Variants in PCDH9 observed in about 807,000 individuals in gnomAD.
The protein encoded by PCDH9 is protocadherin 9, also known as protocadherin-9.
A neutral mutation model predicts 70.6 loss-of-function variants in PCDH9; 24 were observed. That is an observed-to-expected ratio of 0.34 (90% CI 0.25 to 0.48). PCDH9 has a LOEUF of 0.48. Ranked by LOEUF, PCDH9 falls within the 20% of genes least tolerant of loss-of-function variation. PCDH9 has a pLI of 0.99. For missense variants in PCDH9, 1,281 were observed against 1,503.6 expected (o/e 0.85, Z 2.45); for synonymous variants, 562 against 558.5 (o/e 1.01, Z -0.09).
chr13:67,117,615 ATGT>A (rs1399999923), intron 2 of PCDH9, among the ~76,000 whole-genome samples: 2 of 152,268 alleles, frequency 1.3e-5, no homozygotes, highest in Admixed American at 1.3e-4. Flanking sequence ...GCTATTTATA[ATGT>A]TGTCTATGTA....
In PCDH9 at chr13:66,673,514, T is replaced by G. The variant is rs368645240; in HGVS notation, c.3139-42103A>C. 2.0e-5 allele frequency among the ~76,000 whole-genome samples: 3 copies of G among 151,952 alleles called. No individual in the cohort carries two copies. In the South Asian group the frequency reaches 6.3e-4, roughly 32 times the overall value. ...AGATATGCACAGAAGGAAGATGATATGAGTGCACAGAAAGAATGCTATCTA... is the reference window on the plus strand; with the variant it reads ...AGATATGCACAGAAGGAAGATGATAGGAGTGCACAGAAAGAATGCTATCTA... On this transcript the variant is annotated intron_variant, in intron 3 of 4. Transcript: ENST00000377865.
intron 2 of PCDH9, among the ~76,000 whole-genome samples, chr13:67,013,392 T>G (rs1030119018): frequency 6.6e-6 from 1 of 151,908 alleles, no homozygotes; most frequent in African/African-American, 2.4e-5. Flanking sequence ...TCCTATATCA[T>G]TGAATGTTAA....
At chr13:66,556,137 G>T (rs1961730506) in intron 4 of PCDH9, among the ~76,000 whole-genome samples, 1 of 151,448 alleles carries the variant, frequency 6.6e-6, no homozygotes, top group African/African-American at 2.4e-5. Flanking sequence ...GCATTTTTCT[G>T]CATCTTTGGG....
At chr13:67,185,718 A>G (rs1474306596) in intron 2 of PCDH9, among the ~76,000 whole-genome samples, 2 of 152,126 alleles carry the variant, frequency 1.3e-5, no homozygotes, top group East Asian at 1.9e-4. Context: ...AGTTAAACGT[A>G]TGGAAGATTT....
chr13:66,450,129 A>G (rs116569729), intron 4 of PCDH9, among the ~76,000 whole-genome samples: 3,292 of 152,282 alleles, frequency 0.022, 107 homozygotes, highest in East Asian at 0.082. Context: ...CTTACCCTAG[A>G]AAATGTCAGT....
At chr13:67,003,721 C>G (rs1285362962) in intron 2 of PCDH9, among the ~76,000 whole-genome samples, 1 of 152,172 alleles carries the variant, frequency 6.6e-6, no homozygotes, top group African/African-American at 2.4e-5. Context: ...TGCGAAATTA[C>G]TCATGATACA....
chr13:66,497,976 C>T (rs201666621), intron 4 of PCDH9, among the ~76,000 whole-genome samples: 8 of 151,368 alleles, frequency 5.3e-5, no homozygotes, highest in East Asian at 3.9e-4. Flanking sequence ...CCCACCATGA[C>T]GCCCAACTAA....
At chr13:66,789,218 G>T (rs906239233) in intron 3 of PCDH9, among the ~76,000 whole-genome samples, 1 of 152,134 alleles carries the variant, frequency 6.6e-6, no homozygotes, top group Non-Finnish European at 1.5e-5. Flanking sequence ...CTGAAATTTA[G>T]CAGGGTGAAA....
intron 4 of PCDH9, among the ~76,000 whole-genome samples, chr13:66,622,710 G>C (rs1305498706): frequency 3.9e-5 from 6 of 152,152 alleles, no homozygotes; most frequent in Non-Finnish European, 4.4e-5. Flanking sequence ...CAGACCACTG[G>C]TCTCTACCAA....
intron 4 of PCDH9, among the ~76,000 whole-genome samples, chr13:66,328,852 C>T (rs1410470835): frequency 2.0e-5 from 3 of 152,104 alleles, no homozygotes; most frequent in Non-Finnish European, 4.4e-5. Flanking sequence ...GAGACTGTCC[C>T]TAAGAGCTGA....
chr13:67,222,801 G>T (rs896273949), intron 2 of PCDH9: 3 of 152,110 alleles, frequency 2.0e-5, no homozygotes, highest in East Asian at 3.9e-4. Flanking sequence ...AGTTAAAAAA[G>T]TTTTTACTTT....
rs181211692 is a variant in PCDH9 at position 66,723,259 on chromosome 13, A to C, written c.3139-91848T>G. Among the ~76,000 whole-genome samples, 18 of 152,286 alleles carry C rather than the reference A, an allele frequency of 1.2e-4. No individual in the cohort carries two copies. In the East Asian group the frequency reaches 3.5e-3, roughly 29 times the overall value. ...GCTTCTTATTCAAAAACAAACAAACAACAACAAAAGAGGGAGTTAACAGGC... is the reference window on the plus strand; with the variant it reads ...GCTTCTTATTCAAAAACAAACAAACCACAACAAAAGAGGGAGTTAACAGGC... On this transcript the variant is annotated intron_variant, in intron 3 of 4. Transcript: ENST00000377865.
intron 4 of PCDH9, among the ~76,000 whole-genome samples, chr13:66,548,241 AT>A (rs1184537192): frequency 6.6e-6 from 1 of 151,924 alleles, no homozygotes; most frequent in Non-Finnish European, 1.5e-5. Context: ...TTAAGTGCAA[AT>A]TTTTTTCTTA....
At chr13:66,789,090 C>T (rs535726573) in intron 3 of PCDH9, among the ~76,000 whole-genome samples, 2 of 152,254 alleles carry the variant, frequency 1.3e-5, no homozygotes, top group South Asian at 4.1e-4. Context: ...CAAACTTCTC[C>T]CACTTACAAG....
At chr13:66,411,301 G>A (rs1957364638) in intron 4 of PCDH9, among the ~76,000 whole-genome samples, 1 of 152,122 alleles carries the variant, frequency 6.6e-6, no homozygotes, top group Admixed American at 6.6e-5. Context: ...GCAGACTATT[G>A]TAATTTTGAA....
chr13:66,446,204 A>G (rs1232566106), intron 4 of PCDH9, among the ~76,000 whole-genome samples: 4 of 152,084 alleles, frequency 2.6e-5, no homozygotes, highest in Non-Finnish European at 5.9e-5. Flanking sequence ...AAAGTCCATT[A>G]GCAGAATTTT....
At chr13:66,746,373 A>G (rs746729802) in intron 3 of PCDH9, among the ~76,000 whole-genome samples, 1 of 152,220 alleles carries the variant, frequency 6.6e-6, no homozygotes, top group African/African-American at 2.4e-5. Context: ...TTTTTAATGT[A>G]TGTAAATATC....
intron 3 of PCDH9, among the ~76,000 whole-genome samples, chr13:66,886,950 C>G (rs771565695): frequency 1.3e-5 from 2 of 151,530 alleles, no homozygotes; most frequent in Non-Finnish European, 2.9e-5. Context: ...TAACTGAATA[C>G]TCCCCGATCT....
chr13:66,822,019 C>T (rs990804023), intron 3 of PCDH9, among the ~76,000 whole-genome samples: 1 of 151,950 alleles, frequency 6.6e-6, no homozygotes, highest in African/African-American at 2.4e-5. Context: ...ATGCCTCAAC[C>T]TATATCAGGA....
Sources: allele counts gnomAD v4.1 joint callset (sites outside exome capture counted in the v4.1 genomes callset), GRCh38; gene constraint gnomAD v4.1.1; transcripts MANE v1.5; gene names NCBI Gene and HGNC (gene_info 2026-07-23, HGNC 2026-07-21).